The following CNKSR3 variants were observed in gnomAD, a reference collection of about 807,000 sequenced individuals.
CNKSR3 encodes the protein connector enhancer of kinase suppressor of ras 3.
Under a neutral mutation model 67.7 loss-of-function variants are expected in CNKSR3, and 36 were observed. The ratio of observed to expected loss-of-function variants is 0.53; its 90% CI spans 0.41 to 0.70. CNKSR3 has a LOEUF of 0.70. CNKSR3 is among the 30% of genes least tolerant of loss of function. The pLI, the probability that CNKSR3 is intolerant of heterozygous loss-of-function variation, is 0.00. For synonymous variants in CNKSR3, 281 were observed against 271.4 expected (o/e 1.04, Z -0.35); for missense variants, 630 against 695.2 (o/e 0.91, Z 1.05).
rs1014207240 is a variant in CNKSR3 at position 154,430,490 on chromosome 6, A to C, written c.651T>G (p.Ile217Met). ...ACLEEVHLPN[I>M]KPGEGLGMYI... ...AACTTACCAGGCCTTCCCCAGGTTT[A>C]ATGTTTGGTAAGTGAACTTCCTCCA... Residue 217 changes from isoleucine to methionine, a missense_variant, in exon 6 of 13, where the codon ATT (isoleucine) becomes ATG (methionine). Around this residue, in one of 3 missense-constraint regions of CNKSR3, gnomAD observed 133 missense variants for 190.6 expected, o/e 0.70. Transcript: ENST00000607772. The C allele has an allele frequency of 1.9e-6, 3 of 1,611,576 alleles. No homozygotes were observed. In the African/African-American group the frequency reaches 4.0e-5, roughly 22 times the overall value.
chr6:154,482,340 T>C (rs957236369), intron 1 of CNKSR3, among the ~76,000 whole-genome samples: 1 of 152,194 alleles, frequency 6.6e-6, no homozygotes, highest in Non-Finnish European at 1.5e-5. Context: ...TGACCCAAGA[T>C]ATTTTGCCAG....
chr6:154,419,756 A>G (rs1785099940), intron 9 of CNKSR3, among the ~76,000 whole-genome samples: 1 of 152,180 alleles, frequency 6.6e-6, no homozygotes, highest in South Asian at 2.1e-4. Flanking sequence ...GTGTATATAC[A>G]CAAGGGAATG....
At chr6:154,442,929 G>T (rs192310797) in intron 2 of CNKSR3, among the ~76,000 whole-genome samples, 1 of 151,744 alleles carries the variant, frequency 6.6e-6, no homozygotes. Context: ...TCACTGTGTC[G>T]CCCAGGCTGG....
chr6:154,505,330 G>A (rs1033994971), intron 1 of CNKSR3, among the ~76,000 whole-genome samples: 8 of 149,866 alleles, frequency 5.3e-5, no homozygotes, highest in African/African-American at 1.2e-4. Context: ...AGCAAGTCCC[G>A]TGGCTTAGAC....
chr6:154,444,597 T>C (rs1035848673), intron 2 of CNKSR3, among the ~76,000 whole-genome samples: 2 of 149,650 alleles, frequency 1.3e-5, no homozygotes, highest in Admixed American at 1.3e-4. Flanking sequence ...CCCTCTGAAG[T>C]GGAGAAACTT....
chr6:154,476,184 C>T (rs933782251), intron 1 of CNKSR3, among the ~76,000 whole-genome samples: 16 of 152,064 alleles, frequency 1.1e-4, no homozygotes, highest in South Asian at 2.1e-4. Context: ...GGGCCGGGCG[C>T]GGTGGCTCAC....
intron 9 of CNKSR3, among the ~76,000 whole-genome samples, chr6:154,420,688 C>CAA (rs1166654953): frequency 4.3e-4 from 34 of 79,388 alleles, no homozygotes; most frequent in Non-Finnish European, 7.1e-4. Context: ...GACTCCGTCT[C>CAA]AAAAAAAAAA....
In CNKSR3 at chr6:154,450,104, G is replaced by T; in HGVS notation, c.207C>A (p.Leu69=). The change falls in exon 2 of 13, where the codon CTC becomes CTA. Residue 69 remains leucine, a synonymous_variant. Coordinates refer to ENST00000607772, the MANE Select transcript of CNKSR3 (RefSeq NM_173515.4). ...QELVLEAVDL[L]CALNYGLETD... ...CTTTTCCTGAACTAACCAGTGCACA[G>T]AGAAGGTCCACAGCCTCCAACACAA... 6.2e-7 allele frequency: 1 copy of T among 1,614,150 alleles called. No homozygotes were observed. The highest frequency in any genetic ancestry group is 8.5e-7 in the Non-Finnish European group (1 of 1,180,016).
chr6:154,410,072 A>G (rs1263544210), intron 12 of CNKSR3, among the ~76,000 whole-genome samples: 3 of 152,090 alleles, frequency 2.0e-5, no homozygotes, highest in African/African-American at 7.2e-5. Context: ...TAAAAATTAG[A>G]CCATTAAAGT....
chr6:154,445,271 T>A (rs1444986692), intron 2 of CNKSR3, among the ~76,000 whole-genome samples: 1 of 152,162 alleles, frequency 6.6e-6, no homozygotes, highest in African/African-American at 2.4e-5. Context: ...TTAGCAGTAT[T>A]TTTCTATCTA....
chr6:154,416,908 T>A (rs1240140734), intron 9 of CNKSR3, among the ~76,000 whole-genome samples: 1 of 152,190 alleles, frequency 6.6e-6, no homozygotes, highest in Non-Finnish European at 1.5e-5. Context: ...CACCAGCACC[T>A]CTTCCCCAAA....
chr6:154,473,998 T>C (rs1468458073), intron 1 of CNKSR3, among the ~76,000 whole-genome samples: 3 of 150,528 alleles, frequency 2.0e-5, no homozygotes, highest in East Asian at 4.1e-4. Flanking sequence ...TTGGCCAGGA[T>C]GGTCTCGATC....
intron 2 of CNKSR3, among the ~76,000 whole-genome samples, chr6:154,444,889 A>G (rs939833083): frequency 2.6e-5 from 4 of 152,098 alleles, no homozygotes; most frequent in South Asian, 2.1e-4. Flanking sequence ...ACAGGCATGA[A>G]CCACTGCACC....
At chr6:154,441,029 T>C (rs1301691986) in intron 4 of CNKSR3, among the ~76,000 whole-genome samples, 2 of 151,818 alleles carry the variant, frequency 1.3e-5, no homozygotes, top group Non-Finnish European at 2.9e-5. Context: ...TTAGGGGAAG[T>C]ACAGGAACTA....
rs1317721148 is a variant in CNKSR3, at chr6:154,467,968, C to T, written c.53-17710G>A. Among the ~76,000 whole-genome samples the T allele has an allele frequency of 2.0e-5, 3 of 151,866 alleles. No individual in the cohort carries two copies. In the East Asian group the frequency reaches 5.8e-4, roughly 29 times the overall value. On this transcript the variant is annotated intron_variant, in intron 1 of 12. Coordinates refer to ENST00000607772, the MANE Select transcript of CNKSR3 (RefSeq NM_173515.4). ...AGAGACAGAGTTTTGTCATTTTGAC[C>T]AGGCTGGTCTCGAACTCCTGACCTC...
intron 2 of CNKSR3, among the ~76,000 whole-genome samples, chr6:154,448,035 T>C (rs1183419646): frequency 1.3e-5 from 2 of 152,138 alleles, no homozygotes; most frequent in African/African-American, 2.4e-5. Context: ...CCCTGTCCAA[T>C]GTAGTCACTG....
At chr6:154,482,149 G>A (rs574846052) in intron 1 of CNKSR3, among the ~76,000 whole-genome samples, 2 of 152,144 alleles carry the variant, frequency 1.3e-5, no homozygotes, top group African/African-American at 4.8e-5. Context: ...AACAAACTTC[G>A]GAGAAAGATA....
In CNKSR3 at chr6:154,389,903, CACAA is replaced by C. The variant is rs1334798712; in HGVS notation, c.*16447_*16450del. ...TACTGATGAAATAAATTAAAGAAGACACAAACAAATGGAAAGACATTTCATTCCT... is the reference window on the plus strand; with the variant it reads ...TACTGATGAAATAAATTAAAGAAGACACAAATGGAAAGACATTTCATTCCT... On this transcript the variant is annotated 3_prime_UTR_variant, in exon 13 of 13. Coordinates refer to ENST00000607772, the MANE Select transcript of CNKSR3 (RefSeq NM_173515.4). The C allele has an allele frequency of 6.6e-6, 1 of 152,046 alleles. No individual in the cohort carries two copies. The highest frequency in any genetic ancestry group is 2.4e-5 in the African/African-American group (1 of 41,398). The allele number at this position is 152,046 out of a possible 1,614,324, so 9.4% of individuals were successfully genotyped here. A position where few individuals can be genotyped will look rare whatever the true frequency, so the allele number is the denominator to read the frequency against.
At position 154,510,541 on chromosome 6, in the gene CNKSR3, C is replaced by G. The variant is rs976663468; in HGVS notation, c.-427G>C. 4 of 189,074 alleles carry G rather than the reference C, an allele frequency of 2.1e-5. No homozygotes were observed. The highest frequency in any genetic ancestry group is 9.5e-5 in the African/African-American group (4 of 41,962). 11.7% of individuals were successfully genotyped at this position (189,074 alleles called of 1,614,324 possible). On this transcript the variant is annotated 5_prime_UTR_variant, in exon 1 of 13. Coordinates refer to ENST00000607772, the MANE Select transcript of CNKSR3 (RefSeq NM_173515.4). ...TCGCCTGCTGGCTCTCCGGGGTCCC[C>G]GCTCCGCGTGCGCTGGCGTCCCGGA...
Sources: gnomAD v4.1 joint callset for allele counts (sites outside exome capture counted in the v4.1 genomes callset) on GRCh38, gnomAD v4.1.1 for gene constraint, gnomAD v4.1.1 regional missense constraint, MANE v1.5 for transcripts, NCBI Gene and HGNC (gene_info 2026-07-23, HGNC 2026-07-21) for gene names.